CCDC91: variants seen among roughly 807,000 people sequenced by gnomAD.
The protein encoded by CCDC91 is coiled-coil domain containing 91, also known as coiled-coil domain-containing protein 91.
CCDC91 carries 48 observed loss-of-function variants against 63.2 expected under a neutral mutation model. That is an observed-to-expected ratio of 0.76 (90% CI 0.60 to 0.97). CCDC91 has a LOEUF of 0.97. Ranked by LOEUF, CCDC91 falls within the 50% of genes least tolerant of loss-of-function variation. The pLI is 0.00. For missense variants in CCDC91, 500 were observed against 494.6 expected (o/e 1.01, Z -0.10); for synonymous variants, 167 against 165.8 (o/e 1.01, Z -0.06).
chr12:28,421,309 G>T (rs1300160744), intron 8 of CCDC91, among the ~76,000 whole-genome samples: 1 of 151,950 alleles, frequency 6.6e-6, no homozygotes, highest in East Asian at 1.9e-4. Context: ...TTTGCACCCA[G>T]GTAATAAGCC....
chr12:28,340,454 A>C (rs1188319982), intron 6 of CCDC91, among the ~76,000 whole-genome samples: 1 of 152,246 alleles, frequency 6.6e-6, no homozygotes, highest in Non-Finnish European at 1.5e-5. Context: ...ACTCTCTAAA[A>C]GGGTTGCAGG....
intron 1 of CCDC91, among the ~76,000 whole-genome samples, chr12:28,220,739 C>CT (rs200686734): frequency 6.6e-6 from 1 of 151,966 alleles, no homozygotes; most frequent in Non-Finnish European, 1.5e-5. Flanking sequence ...GTTTTTTCCT[C>CT]TTTAAGTTGA....
chr12:28,519,790 A>G (rs1035681324), intron 12 of CCDC91, among the ~76,000 whole-genome samples: 1 of 140,230 alleles, frequency 7.1e-6, no homozygotes, highest in Non-Finnish European at 1.5e-5. Flanking sequence ...TCATTGTTCA[A>G]ATCCCACCTA....
intron 12 of CCDC91, among the ~76,000 whole-genome samples, chr12:28,548,502 C>A (rs748739604): frequency 6.6e-6 from 1 of 152,070 alleles, no homozygotes; most frequent in Non-Finnish European, 1.5e-5. Context: ...AACTCCTGAC[C>A]TCAAATGATT....
intron 3 of CCDC91, among the ~76,000 whole-genome samples, chr12:28,297,552 A>T (rs987157765): frequency 2.0e-5 from 3 of 151,934 alleles, no homozygotes; most frequent in Non-Finnish European, 4.4e-5. Flanking sequence ...TCACATTTAA[A>T]ATAAAGCAAA....
At chr12:28,534,993 A>G (rs1942035643) in intron 12 of CCDC91, among the ~76,000 whole-genome samples, 1 of 152,168 alleles carries the variant, frequency 6.6e-6, no homozygotes, top group African/African-American at 2.4e-5. Flanking sequence ...AATATACATC[A>G]GTGTTTTTAT....
chr12:28,415,674 G>GTA (rs72368695), intron 8 of CCDC91, among the ~76,000 whole-genome samples: 3 of 151,748 alleles, frequency 2.0e-5, no homozygotes, highest in East Asian at 3.9e-4. Context: ...TTGTGTGTGT[G>GTA]TGTGTGTGTG....
intron 1 of CCDC91, among the ~76,000 whole-genome samples, chr12:28,253,884 T>C (rs1156947559): frequency 1.3e-5 from 2 of 152,142 alleles, no homozygotes; most frequent in Admixed American, 1.3e-4. Context: ...TGAAAATCTT[T>C]CTTCTTACTT....
chr12:28,190,880 G>A (rs911141455), intron 1 of CCDC91: 1 of 152,252 alleles, frequency 6.6e-6, no homozygotes, highest in Non-Finnish European at 1.5e-5. Flanking sequence ...GCTCGCCGGT[G>A]GGTACCGGTA....
chr12:28,490,079 A>C (rs781232290), intron 12 of CCDC91, among the ~76,000 whole-genome samples: 1 of 151,876 alleles, frequency 6.6e-6, no homozygotes, highest in Non-Finnish European at 1.5e-5. Flanking sequence ...CAGTTGCATC[A>C]TAGTAGTTAC....
intron 11 of CCDC91, among the ~76,000 whole-genome samples, chr12:28,465,864 A>G (rs1407796980): frequency 6.6e-6 from 1 of 152,192 alleles, no homozygotes; most frequent in Non-Finnish European, 1.5e-5. Context: ...ACAGAGATAT[A>G]TGACCTTTCA....
chr12:28,381,497 T>C (rs867446636), intron 7 of CCDC91, among the ~76,000 whole-genome samples: 2 of 152,162 alleles, frequency 1.3e-5, no homozygotes, highest in Non-Finnish European at 2.9e-5. Context: ...CAGTCTTCTC[T>C]TTTTCCTTTA....
chr12:28,220,980 A>T (rs1202327901), intron 1 of CCDC91, among the ~76,000 whole-genome samples: 1 of 152,080 alleles, frequency 6.6e-6, no homozygotes, highest in Non-Finnish European at 1.5e-5. Flanking sequence ...TATAGTGTTC[A>T]TGAAATTCAG....
chr12:28,190,517 T>A lies in CCDC91; in HGVS notation c.-139T>A, dbSNP rs1941103331. The A allele has an allele frequency of 6.5e-6, 1 of 152,846 alleles. No individual in the cohort carries two copies. Among genetic ancestry groups the A allele is most frequent in the African/African-American group, 2.4e-5 (1 of 41,418 alleles). The allele number at this position is 152,846 out of a possible 1,614,324, so 9.5% of individuals were successfully genotyped here. Reference sequence around the variant, plus strand: ...CAACCTGTGTGGCTGGGCCGCGGTCTCCCCTCAAGGGCCTGGGGCCGTGCC... The same window carrying A: ...CAACCTGTGTGGCTGGGCCGCGGTCACCCCTCAAGGGCCTGGGGCCGTGCC... On this transcript the variant is annotated 5_prime_UTR_variant, in exon 1 of 13. Transcript: ENST00000536442.
chr12:28,478,285 C>T (rs1376887939), intron 11 of CCDC91, among the ~76,000 whole-genome samples: 4 of 152,058 alleles, frequency 2.6e-5, no homozygotes, highest in African/African-American at 4.8e-5. Flanking sequence ...TGGAACAGAA[C>T]GGAGCCCTCA....
chr12:28,352,988 T>C (rs925037993), intron 6 of CCDC91, among the ~76,000 whole-genome samples: 1 of 152,254 alleles, frequency 6.6e-6, no homozygotes, highest in Non-Finnish European at 1.5e-5. Context: ...AAGAATGTTT[T>C]GTCTGCATTG....
intron 1 of CCDC91, among the ~76,000 whole-genome samples, chr12:28,244,752 T>C (rs771700213): frequency 6.6e-5 from 10 of 151,564 alleles, no homozygotes; most frequent in Non-Finnish European, 7.4e-5. Flanking sequence ...CTGTCTCACA[T>C]AATGGCATCT....
intron 1 of CCDC91, among the ~76,000 whole-genome samples, chr12:28,207,413 T>G (rs929080496): frequency 3.3e-5 from 5 of 152,200 alleles, no homozygotes; most frequent in African/African-American, 1.2e-4. Context: ...TCTCTGATGT[T>G]CTCAGAAGAT....
chr12:28,515,086 A>G (rs539975827), intron 12 of CCDC91, among the ~76,000 whole-genome samples: 34 of 151,866 alleles, frequency 2.2e-4, no homozygotes, highest in Admixed American at 8.6e-4. Context: ...TACTCTACCC[A>G]AACTCCTTTC....
Sources: allele counts gnomAD v4.1 joint callset (sites outside exome capture counted in the v4.1 genomes callset), GRCh38; gene constraint gnomAD v4.1.1; transcripts MANE v1.5; gene names NCBI Gene and HGNC (gene_info 2026-07-23, HGNC 2026-07-21).